The following RBFOX1 variants were observed in gnomAD, a reference collection of about 807,000 sequenced individuals.
RBFOX1 encodes RNA binding fox-1 homolog 1.
RBFOX1 carries 8 observed loss-of-function variants against 57.7 expected under a neutral mutation model. The ratio of observed to expected loss-of-function variants is 0.14; its 90% CI spans 0.08 to 0.25. The LOEUF is 0.25. RBFOX1 is among the 10% of genes least tolerant of loss of function. The pLI is 1.00. For missense variants in RBFOX1, 611 were observed against 548.5 expected (o/e 1.11, Z -1.14); for synonymous variants, 326 against 222.4 (o/e 1.47, Z -4.15).
chr16:5,468,119 G>A (rs1357552760), intron 2 of RBFOX1, among the ~76,000 whole-genome samples: 1 of 152,152 alleles, frequency 6.6e-6, no homozygotes, highest in Admixed American at 6.5e-5. Context: ...CCTTCCCCAG[G>A]TTCCTACTGT....
At chr16:7,271,068 C>A (rs1423232971) in intron 4 of RBFOX1, among the ~76,000 whole-genome samples, 1 of 152,106 alleles carries the variant, frequency 6.6e-6, no homozygotes, top group Non-Finnish European at 1.5e-5. Flanking sequence ...CATTGCCTCA[C>A]AGTTCTAAAG....
chr16:6,617,266 A>G (rs17134972), intron 2 of RBFOX1, among the ~76,000 whole-genome samples: 12,275 of 151,918 alleles, frequency 0.081, 742 homozygotes, highest in African/African-American at 0.16. Flanking sequence ...AATATTGTCT[A>G]GAGTGTGAAG....
intron 2 of RBFOX1, among the ~76,000 whole-genome samples, chr16:5,572,328 T>C (rs1196904295): frequency 1.3e-5 from 2 of 152,208 alleles, no homozygotes; most frequent in African/African-American, 4.8e-5. Context: ...GATGCTTTTC[T>C]AGGCAGTGAG....
intron 3 of RBFOX1, among the ~76,000 whole-genome samples, chr16:6,853,429 AT>A (rs2094175385): frequency 6.6e-6 from 1 of 152,158 alleles, no homozygotes; most frequent in African/African-American, 2.4e-5. Context: ...GCCCCCAGCC[AT>A]TGGGCTTCCT....
At chr16:6,355,316 G>A (rs2087107081) in intron 2 of RBFOX1, among the ~76,000 whole-genome samples, 1 of 151,428 alleles carries the variant, frequency 6.6e-6, no homozygotes, top group Non-Finnish European at 1.5e-5. Context: ...CCCAATGTGT[G>A]ATGTTCCCCT....
chr16:7,572,280 C>T lies in RBFOX1; in HGVS notation c.271-7497C>T, dbSNP rs149991527. The stretch of plus-strand genomic sequence containing the variant: ...ATACATTTATCATTTTATGTATATG[C>T]AAATGGAGATCCAGAGACATGAAGT... On this transcript the variant is annotated intron_variant, in intron 5 of 15. Transcript: ENST00000550418. Among the ~76,000 whole-genome samples the T allele has an allele frequency of 1.3e-3, 204 of 152,284 alleles. 1 individual carries two copies. The highest frequency in any genetic ancestry group is 4.5e-3 in the African/African-American group (186 of 41,566).
At chr16:6,207,828 C>A (rs1405799706) in intron 1 of RBFOX1, among the ~76,000 whole-genome samples, 2 of 151,994 alleles carry the variant, frequency 1.3e-5, no homozygotes, top group African/African-American at 4.8e-5. Context: ...GCTGGGACTA[C>A]AGATGTATGG....
intron 3 of RBFOX1, among the ~76,000 whole-genome samples, chr16:6,806,042 C>T (rs2086691941): frequency 6.6e-6 from 1 of 152,132 alleles, no homozygotes; most frequent in South Asian, 2.1e-4. Context: ...CTAGTTGCAG[C>T]TCTATAAGAA....
At chr16:7,105,206 T>C (rs1363973757) in intron 4 of RBFOX1, among the ~76,000 whole-genome samples, 5 of 151,994 alleles carry the variant, frequency 3.3e-5, no homozygotes, top group Non-Finnish European at 2.9e-5. Context: ...GGCAGTAGTC[T>C]ATGGAGATTG....
intron 1 of RBFOX1, among the ~76,000 whole-genome samples, chr16:6,114,020 A>G (rs184518869): frequency 1.7e-4 from 25 of 147,006 alleles, no homozygotes; most frequent in Non-Finnish European, 2.2e-4. Context: ...TATTCAAACT[A>G]CTGCCACCTG....
At chr16:6,631,571 A>C (rs187400822) in intron 2 of RBFOX1, among the ~76,000 whole-genome samples, 1 of 152,148 alleles carries the variant, frequency 6.6e-6, no homozygotes, top group African/African-American at 2.4e-5. Flanking sequence ...AAAAAAGACA[A>C]AGGAAAGTCT....
At chr16:7,148,171 G>T (rs971458355) in intron 4 of RBFOX1, among the ~76,000 whole-genome samples, 3 of 152,160 alleles carry the variant, frequency 2.0e-5, no homozygotes, top group Non-Finnish European at 2.9e-5. Flanking sequence ...TAACTCAGAG[G>T]ATTTACACCA....
chr16:5,981,800 A>C (rs2060179433), intron 4 of RBFOX1, among the ~76,000 whole-genome samples: 1 of 152,184 alleles, frequency 6.6e-6, no homozygotes, highest in Admixed American at 6.5e-5. Flanking sequence ...GTCCTCAACT[A>C]GATGCCCCTG....
chr16:5,830,228 G>C (rs60015368), intron 3 of RBFOX1, among the ~76,000 whole-genome samples: 1 of 151,928 alleles, frequency 6.6e-6, no homozygotes, highest in Non-Finnish European at 1.5e-5. Flanking sequence ...GCAGAATTAG[G>C]AAAACCCTCC....
chr16:6,908,085 G>T (rs1165216295), intron 3 of RBFOX1, among the ~76,000 whole-genome samples: 1 of 151,756 alleles, frequency 6.6e-6, no homozygotes, highest in Admixed American at 6.5e-5. Context: ...TTTCCAATAA[G>T]GTCACATTCA....
intron 3 of RBFOX1, among the ~76,000 whole-genome samples, chr16:6,760,757 A>C (rs1019269699): frequency 6.6e-6 from 1 of 152,212 alleles, no homozygotes; most frequent in African/African-American, 2.4e-5. Context: ...CCTTGGTGCA[A>C]GATGCAGAGA....
chr16:7,331,808 TATTA>T (rs1380994458), intron 4 of RBFOX1, among the ~76,000 whole-genome samples: 8 of 152,282 alleles, frequency 5.3e-5, no homozygotes, highest in East Asian at 3.9e-4. Flanking sequence ...TTAATTAATA[TATTA>T]ATTCAATTGG....
chr16:7,086,254 A>C (rs2153805560), intron 4 of RBFOX1, among the ~76,000 whole-genome samples: 1 of 152,250 alleles, frequency 6.6e-6, no homozygotes, highest in South Asian at 2.1e-4. Flanking sequence ...TGTAGGTAAA[A>C]ATTTAAATCA....
At chr16:5,296,442 T>C (rs574398315) in intron 1 of RBFOX1, among the ~76,000 whole-genome samples, 1 of 152,278 alleles carries the variant, frequency 6.6e-6, no homozygotes, top group African/African-American at 2.4e-5. Flanking sequence ...GTCTATTTAA[T>C]TGAAAAGTAT....
Sources: gnomAD v4.1 joint callset for allele counts (sites outside exome capture counted in the v4.1 genomes callset) on GRCh38, gnomAD v4.1.1 for gene constraint, MANE v1.5 for transcripts, NCBI Gene and HGNC (gene_info 2026-07-23, HGNC 2026-07-21) for gene names.